The following NT5C1B variants were observed in gnomAD, a reference collection of about 807,000 sequenced individuals.
NT5C1B encodes the protein 5'-nucleotidase, cytosolic IB, also known as cytosolic 5'-nucleotidase 1B.
Under a neutral mutation model 57.8 loss-of-function variants are expected in NT5C1B, and 44 were observed. The observed-to-expected ratio is 0.76, with a 90% CI of 0.60 to 0.98. The LOEUF is 0.98. Among genes scored for constraint, NT5C1B ranks in the 50% least tolerant of loss-of-function variants. The pLI is 0.00. For synonymous variants in NT5C1B, 284 were observed against 282.6 expected (o/e 1.00, Z -0.05); for missense variants, 742 against 719.5 (o/e 1.03, Z -0.36).
chr2:18,569,151 A>T (rs1019502614), intron 8 of NT5C1B, among the ~76,000 whole-genome samples: 2 of 152,188 alleles, frequency 1.3e-5, no homozygotes, highest in Non-Finnish European at 2.9e-5. Flanking sequence ...AGTACATATG[A>T]TGTTGTAGAG....
intron 6 of NT5C1B, among the ~76,000 whole-genome samples, chr2:18,580,551 G>A (rs1341200467): frequency 6.6e-6 from 1 of 152,136 alleles, no homozygotes; most frequent in African/African-American, 2.4e-5. Flanking sequence ...GGAGGCAGAG[G>A]TTGCCATGAG....
intron 6 of NT5C1B, among the ~76,000 whole-genome samples, chr2:18,579,729 A>G (rs1666016724): frequency 6.6e-6 from 1 of 152,208 alleles, no homozygotes; most frequent in Non-Finnish European, 1.5e-5. Flanking sequence ...GCTTTGGCAA[A>G]GATTTCATGA....
At chr2:18,587,975 T>A (rs927176102) in intron 1 of NT5C1B, among the ~76,000 whole-genome samples, 3 of 152,208 alleles carry the variant, frequency 2.0e-5, no homozygotes, top group Non-Finnish European at 4.4e-5. Context: ...CCTTGCCATT[T>A]AGAATTCAAT....
At chr2:18,574,434 C>G (rs1298835556) in intron 8 of NT5C1B, among the ~76,000 whole-genome samples, 4 of 152,018 alleles carry the variant, frequency 2.6e-5, no homozygotes, top group African/African-American at 9.7e-5. Context: ...TTTCCAAAAA[C>G]TAAGAATAGA....
intron 8 of NT5C1B, among the ~76,000 whole-genome samples, chr2:18,569,451 A>G (rs1189076598): frequency 1.3e-5 from 2 of 152,194 alleles, no homozygotes; most frequent in Non-Finnish European, 2.9e-5. Flanking sequence ...AGGGATTGCC[A>G]GATTGTATAA....
At chr2:18,571,714 GTGTGTA>G (rs1406723240) in intron 8 of NT5C1B, among the ~76,000 whole-genome samples, 2 of 78,906 alleles carry the variant, frequency 2.5e-5, no homozygotes, top group Admixed American at 1.5e-4. Flanking sequence ...CTCTCTGTGT[GTGTGTA>G]TATATATATA....
At chr2:18,572,992 G>T (rs374787894) in intron 8 of NT5C1B, among the ~76,000 whole-genome samples, 131 of 152,260 alleles carry the variant, frequency 8.6e-4, no homozygotes, top group African/African-American at 3.0e-3. Flanking sequence ...ACAGAAGTTT[G>T]TATTCAAATG....
At chr2:18,583,730 C>T (rs549204533) in intron 5 of NT5C1B, 12 of 426,040 alleles carry the variant, frequency 2.8e-5, no homozygotes, top group African/African-American at 8.2e-5. Flanking sequence ...GAAGAGCTAA[C>T]GTGAATTTCA....
chr2:18,575,242 A>G (rs1010154616), intron 8 of NT5C1B, among the ~76,000 whole-genome samples: 4 of 152,070 alleles, frequency 2.6e-5, no homozygotes, highest in African/African-American at 9.7e-5. Flanking sequence ...AAGCTTTGTT[A>G]ATACAGAACT....
At chr2:18,586,416 C>G (rs116220325) in intron 2 of NT5C1B, 25 bp from the exon 3 acceptor site, 1 of 1,612,490 alleles carries the variant, frequency 6.2e-7, no homozygotes. Flanking sequence ...AGAAACCCAA[C>G]GGTGTAAAAC....
intron 1 of NT5C1B, 42 bp downstream of exon 1, chr2:18,589,397 T>G: frequency 6.2e-6 from 10 of 1,613,894 alleles, no homozygotes; most frequent in Non-Finnish European, 8.5e-6. Flanking sequence ...TCCACATTTC[T>G]TCAGCCCCAT....
intron 8 of NT5C1B, among the ~76,000 whole-genome samples, chr2:18,571,698 C>G (rs1665172731): frequency 1.7e-5 from 2 of 119,846 alleles, no homozygotes; most frequent in Non-Finnish European, 3.3e-5. Flanking sequence ...TACTCTCTCT[C>G]TCTTTCTCTC....
At chr2:18,588,076 A>G (rs574871116) in intron 1 of NT5C1B, among the ~76,000 whole-genome samples, 1 of 152,174 alleles carries the variant, frequency 6.6e-6, no homozygotes, top group Non-Finnish European at 1.5e-5. Flanking sequence ...AAGGACCTTA[A>G]TCTCATACAA....
chr2:18,563,823 A>G lies in NT5C1B; in HGVS notation c.1626T>C (p.Tyr542=), dbSNP rs1664391645. ...AACTACTGAATTTTTTATTAAAGCC[A>G]TAAGCTGCGATGGAACCTAACCTCT... Residue 542 remains tyrosine (Y), a synonymous_variant, in exon 9 of 9, where the codon TAT becomes TAC. Coordinates refer to ENST00000304081, the Ensembl canonical transcript of NT5C1B. The G allele has an allele frequency of 3.8e-6, 6 of 1,581,440 alleles. No homozygotes were observed. The East Asian group carries it at 1.1e-4, about 30-fold the overall frequency.
intron 8 of NT5C1B, among the ~76,000 whole-genome samples, chr2:18,572,482 A>G (rs1665293820): frequency 6.6e-6 from 1 of 152,198 alleles, no homozygotes; most frequent in South Asian, 2.1e-4. Context: ...GCTCACTGAA[A>G]AGCACTGAAA....
At chr2:18,576,299 G>C in exon 8 of NT5C1B, 7 of 1,613,770 alleles carry the variant, frequency 4.3e-6, no homozygotes, top group Non-Finnish European at 5.9e-6. Flanking sequence ...CCCATCAAAG[G>C]CTACACGGAG....
At chr2:18,563,396 T>C (rs1256564627) in exon 9 of NT5C1B, 1 of 156,134 alleles carries the variant, frequency 6.4e-6, no homozygotes, top group Non-Finnish European at 1.4e-5. Flanking sequence ...ATACTCCTTC[T>C]ACCTTTGAAG....
chr2:18,578,827 T>TA (rs1192558516), intron 6 of NT5C1B, among the ~76,000 whole-genome samples: 1 of 152,114 alleles, frequency 6.6e-6, no homozygotes, highest in South Asian at 2.1e-4. Flanking sequence ...CAAAAGACAT[T>TA]AAAATAGAAA....
chr2:18,563,515 T>C, exon 9 of NT5C1B: 1 of 275,704 alleles, frequency 3.6e-6, no homozygotes, highest in Non-Finnish European at 6.8e-6. Context: ...GCCTTAAGCA[T>C]GCAAATATTC....
Sources: allele counts gnomAD v4.1 joint callset (sites outside exome capture counted in the v4.1 genomes callset), GRCh38; gene constraint gnomAD v4.1.1; transcripts MANE v1.5; gene names NCBI Gene and HGNC (gene_info 2026-07-23, HGNC 2026-07-21).